The following SPOCK1 variants were observed in gnomAD, a reference collection of about 807,000 sequenced individuals.
SPOCK1 encodes SPARC (osteonectin), cwcv and kazal like domains proteoglycan 1.
In SPOCK1, 23 loss-of-function variants were observed where a neutral mutation model predicts 55.3. The observed-to-expected ratio is 0.42, with a 90% CI of 0.30 to 0.59. SPOCK1 has a LOEUF of 0.59. SPOCK1 is among the 20% of genes least tolerant of loss of function. SPOCK1 has a pLI of 0.22. For missense variants in SPOCK1, 499 were observed against 552.5 expected, an observed-to-expected ratio of 0.90 and a Z score of 0.97; for synonymous variants, 226 against 221.0, an observed-to-expected ratio of 1.02 and a Z score of -0.20.
chr5:137,498,087 C>G (rs1754336675), intron 2 of SPOCK1, among the ~76,000 whole-genome samples: 1 of 152,108 alleles, frequency 6.6e-6, no homozygotes, highest in African/African-American at 2.4e-5. Context: ...GTGATCTGTG[C>G]TGTATTTTAG....
chr5:137,292,076 T>C (rs1012487147), intron 2 of SPOCK1, among the ~76,000 whole-genome samples: 8 of 152,036 alleles, frequency 5.3e-5, no homozygotes, highest in Non-Finnish European at 1.0e-4. Context: ...AGAAAGCGAG[T>C]GCAAGCCTGG....
intron 2 of SPOCK1, among the ~76,000 whole-genome samples, chr5:137,271,866 A>G (rs965928146): frequency 1.3e-5 from 2 of 152,200 alleles, no homozygotes; most frequent in Non-Finnish European, 1.5e-5. Context: ...TTTCTCCTTC[A>G]TACATATTTT....
chr5:137,184,499 A>C (rs1755028922), intron 3 of SPOCK1, among the ~76,000 whole-genome samples: 4 of 152,054 alleles, frequency 2.6e-5, no homozygotes, highest in Non-Finnish European at 5.9e-5. Flanking sequence ...GAAGGTAAAG[A>C]CCACCCTCCC....
intron 2 of SPOCK1, among the ~76,000 whole-genome samples, chr5:137,273,223 T>C (rs970472490): frequency 2.6e-5 from 4 of 152,228 alleles, no homozygotes; most frequent in African/African-American, 9.6e-5. Flanking sequence ...ATCCCTTGGA[T>C]ATACCAATGA....
In SPOCK1 at chr5:136,985,085, G is replaced by A. The variant is rs1311794261; in HGVS notation, c.991+55C>T. On this transcript the variant is annotated intron_variant, in intron 9 of 10. Transcript: ENST00000394945. ...ACCATTGCCATGCTGATCATTACAA[G>A]GGACATGGCTGGCTTAATTAGTTGT... 5.9e-6 allele frequency: 9 copies of A among 1,515,976 alleles called. No individual in the cohort carries two copies. In the East Asian group the frequency reaches 1.1e-4, roughly 19 times the overall value. 93.9% of individuals were successfully genotyped at this position (1,515,976 alleles called of 1,614,324 possible).
At chr5:137,461,945 C>A (rs1753497822) in intron 2 of SPOCK1, among the ~76,000 whole-genome samples, 1 of 152,186 alleles carries the variant, frequency 6.6e-6, no homozygotes, top group Non-Finnish European at 1.5e-5. Context: ...GTTAACATCA[C>A]CAGATGAAGA....
At chr5:137,350,169 G>C (rs1044496396) in intron 2 of SPOCK1, among the ~76,000 whole-genome samples, 1 of 152,152 alleles carries the variant, frequency 6.6e-6, no homozygotes. Context: ...AGACAGGAAT[G>C]AGACTGCCCC....
intron 2 of SPOCK1, among the ~76,000 whole-genome samples, chr5:137,445,102 A>G (rs892240560): frequency 6.6e-6 from 1 of 152,174 alleles, no homozygotes; most frequent in African/African-American, 2.4e-5. Context: ...GAGCCAGGTA[A>G]ACACTCCAAA....
chr5:137,299,097 C>A (rs1031857578), intron 2 of SPOCK1, among the ~76,000 whole-genome samples: 2 of 152,028 alleles, frequency 1.3e-5, no homozygotes, highest in Non-Finnish European at 2.9e-5. Context: ...TTTTAGCATA[C>A]CATTTTAATT....
intron 6 of SPOCK1, among the ~76,000 whole-genome samples, chr5:137,045,220 C>T (rs1456093912): frequency 1.4e-5 from 2 of 142,428 alleles, no homozygotes; most frequent in Non-Finnish European, 3.1e-5. Context: ...AATCGCCACA[C>T]TGACTTCCAC....
intron 3 of SPOCK1, among the ~76,000 whole-genome samples, chr5:137,205,124 A>T (rs929582192): frequency 6.6e-6 from 1 of 152,142 alleles, no homozygotes; most frequent in Non-Finnish European, 1.5e-5. Flanking sequence ...TGATCTCCCC[A>T]CTAGACTATA....
chr5:137,378,505 G>T (rs1175440197), intron 2 of SPOCK1, among the ~76,000 whole-genome samples: 1 of 152,238 alleles, frequency 6.6e-6, no homozygotes, highest in Non-Finnish European at 1.5e-5. Context: ...CACATGGATG[G>T]CTGCAGTCTC....
intron 2 of SPOCK1, among the ~76,000 whole-genome samples, chr5:137,468,200 A>T (rs1016817071): frequency 1.3e-5 from 2 of 152,240 alleles, no homozygotes; most frequent in African/African-American, 2.4e-5. Context: ...TTTTTACATG[A>T]GTAATGCTAC....
chr5:137,427,551 A>G (rs1268952835), intron 2 of SPOCK1, among the ~76,000 whole-genome samples: 1 of 152,148 alleles, frequency 6.6e-6, no homozygotes, highest in East Asian at 1.9e-4. Flanking sequence ...CAAAGATCTC[A>G]GAACTATGAT....
At chr5:137,038,869 G>A (rs181490497) in intron 6 of SPOCK1, among the ~76,000 whole-genome samples, 50 of 152,282 alleles carry the variant, frequency 3.3e-4, no homozygotes, top group African/African-American at 5.3e-4. Context: ...CAGAAACTGC[G>A]TATGCATGTC....
At chr5:137,373,887 A>G (rs1350456579) in intron 2 of SPOCK1, among the ~76,000 whole-genome samples, 1 of 152,262 alleles carries the variant, frequency 6.6e-6, no homozygotes, top group Non-Finnish European at 1.5e-5. Flanking sequence ...CTTCTTTAAT[A>G]GAAAGAATCA....
At chr5:137,465,309 C>A (rs960634912) in intron 2 of SPOCK1, among the ~76,000 whole-genome samples, 1 of 152,130 alleles carries the variant, frequency 6.6e-6, no homozygotes, top group Admixed American at 6.6e-5. Context: ...CATCAGAAAG[C>A]TGCCAAAATC....
chr5:137,145,028 G>C (rs1280365025), intron 3 of SPOCK1, among the ~76,000 whole-genome samples: 2 of 152,018 alleles, frequency 1.3e-5, no homozygotes, highest in Non-Finnish European at 2.9e-5. Flanking sequence ...AAACAGGACA[G>C]CATCCCTAGC....
intron 2 of SPOCK1, among the ~76,000 whole-genome samples, chr5:137,304,400 C>T (rs376713388): frequency 1.3e-5 from 2 of 152,176 alleles, no homozygotes; most frequent in Non-Finnish European, 2.9e-5. Flanking sequence ...TCCTCTCAGG[C>T]TTCCAGAAGG....
Sources: gnomAD v4.1 joint callset for allele counts (sites outside exome capture counted in the v4.1 genomes callset) on GRCh38, gnomAD v4.1.1 for gene constraint, MANE v1.5 for transcripts, NCBI Gene and HGNC (gene_info 2026-07-23, HGNC 2026-07-21) for gene names.